The following CSRNP3 variants were observed in gnomAD, a reference collection of about 807,000 sequenced individuals.
The protein encoded by CSRNP3 is cysteine/serine-rich nuclear protein 3.
In CSRNP3, 12 loss-of-function variants were observed where a neutral mutation model predicts 48.0. The ratio of observed to expected loss-of-function variants is 0.25; its 90% CI spans 0.16 to 0.41. CSRNP3 has a LOEUF of 0.41. Among genes scored for constraint, CSRNP3 ranks in the 10% least tolerant of loss-of-function variants. CSRNP3 has a pLI of 1.00. For missense variants in CSRNP3, 580 were observed against 724.4 expected (o/e 0.80, Z 2.29); for synonymous variants, 263 against 269.7 (o/e 0.98, Z 0.24).
chr2:165,513,067 T>G (rs1684529282), intron 2 of CSRNP3, among the ~76,000 whole-genome samples: 1 of 152,064 alleles, frequency 6.6e-6, no homozygotes, highest in African/African-American at 2.4e-5. Flanking sequence ...ATCCCACCAC[T>G]GCACTCCAGC....
rs944804125 is a variant in CSRNP3, at chr2:165,668,405, T to C, written c.409-7907T>C. Among the ~76,000 whole-genome samples, 502 of 137,590 alleles carry C rather than the reference T, an allele frequency of 3.6e-3. 1 individual carries two copies. Among genetic ancestry groups the C allele is most frequent in the African/African-American group, 0.013 (462 of 34,998 alleles). The allele number at this position is 137,590 out of a possible 152,430, so 90.3% of individuals were successfully genotyped here. A position where few individuals can be genotyped will look rare whatever the true frequency, so the allele number is the denominator to read the frequency against. ...ATATCCTTTCTTTCTTTCTTTCTTT[T>C]TTTTTTTTTTTTTTTTGAGACAGAG... On this transcript the variant is annotated intron_variant, in intron 5 of 6. Coordinates refer to ENST00000651982, the MANE Select transcript of CSRNP3 (RefSeq NM_001172173.2).
At chr2:165,606,374 A>G (rs2105306099) in intron 4 of CSRNP3, among the ~76,000 whole-genome samples, 1 of 150,862 alleles carries the variant, frequency 6.6e-6, no homozygotes, top group African/African-American at 2.4e-5. Flanking sequence ...AGCAAAAAAA[A>G]AAAAAAAAAA....
chr2:165,606,502 G>GT (rs1395767350), intron 4 of CSRNP3, among the ~76,000 whole-genome samples: 33 of 151,966 alleles, frequency 2.2e-4, no homozygotes, highest in Admixed American at 2.1e-3. Flanking sequence ...ATCATTTCAC[G>GT]TATGTCATAT....
chr2:165,677,221 A>C (rs1423288450), intron 6 of CSRNP3, among the ~76,000 whole-genome samples: 1 of 152,202 alleles, frequency 6.6e-6, no homozygotes, highest in Non-Finnish European at 1.5e-5. Context: ...TTTGTAAATA[A>C]AGTTTTATTG....
chr2:165,584,719 T>G (rs1442763145), intron 3 of CSRNP3, among the ~76,000 whole-genome samples: 1 of 152,174 alleles, frequency 6.6e-6, no homozygotes, highest in Non-Finnish European at 1.5e-5. Context: ...TGAAACCTAC[T>G]AAAGAAGTCA....
chr2:165,509,733 A>T (rs533892225), intron 2 of CSRNP3, among the ~76,000 whole-genome samples: 46 of 152,330 alleles, frequency 3.0e-4, no homozygotes, highest in African/African-American at 1.1e-3. Context: ...TTGTCAAAGT[A>T]AGAAATTACC....
At chr2:165,567,820 G>A (rs1257010976) in intron 3 of CSRNP3, among the ~76,000 whole-genome samples, 1 of 151,866 alleles carries the variant, frequency 6.6e-6, no homozygotes, top group Non-Finnish European at 1.5e-5. Context: ...TTTAAGGGAG[G>A]TCCTGTTGTT....
Position 165,597,033 on chromosome 2 carries a change from G to A in CSRNP3, c.148+1820G>A, listed in dbSNP as rs117802498. On this transcript the variant is annotated intron_variant, in intron 4 of 6. Transcript: ENST00000651982. ...AAAAGATCACACAGGAGTTGAGCCTGGATATATATACATGTCCTACCACAT... is the reference window on the plus strand; with the variant it reads ...AAAAGATCACACAGGAGTTGAGCCTAGATATATATACATGTCCTACCACAT... Among the ~76,000 whole-genome samples the A allele has an allele frequency of 8.1e-4, 123 of 152,238 alleles. No individual in the cohort carries two copies. In the East Asian group the frequency reaches 0.015, roughly 18 times the overall value.
intron 3 of CSRNP3, among the ~76,000 whole-genome samples, chr2:165,552,114 T>A (rs757601995): frequency 2.6e-5 from 4 of 152,222 alleles, no homozygotes; most frequent in Non-Finnish European, 5.9e-5. Context: ...GAATCTTGGA[T>A]TACATTTCTC....
At chr2:165,499,732 A>G (rs1374614778) in intron 2 of CSRNP3, among the ~76,000 whole-genome samples, 1 of 152,178 alleles carries the variant, frequency 6.6e-6, no homozygotes, top group Non-Finnish European at 1.5e-5. Flanking sequence ...TAAATATAAC[A>G]AAACCAAAAA....
At chr2:165,495,879 G>A (rs1015509986) in intron 2 of CSRNP3, among the ~76,000 whole-genome samples, 25 of 151,422 alleles carry the variant, frequency 1.7e-4, no homozygotes, top group Admixed American at 9.2e-4. Flanking sequence ...TTTGTATTTG[G>A]GGAGTTTAAA....
chr2:165,669,375 A>G (rs1214758796), intron 5 of CSRNP3, among the ~76,000 whole-genome samples: 1 of 152,148 alleles, frequency 6.6e-6, no homozygotes, highest in African/African-American at 2.4e-5. Context: ...TATTAGTTGA[A>G]TTGAATTAGG....
intron 1 of CSRNP3, among the ~76,000 whole-genome samples, chr2:165,486,212 C>G (rs1280021726): frequency 6.6e-6 from 1 of 152,164 alleles, no homozygotes; most frequent in East Asian, 1.9e-4. Context: ...GGGTCACTCC[C>G]ACCCGATTAT....
intron 3 of CSRNP3, among the ~76,000 whole-genome samples, chr2:165,520,831 AT>A (rs71028492): frequency 0.31 from 33,626 of 109,744 alleles, 4,803 homozygotes; most frequent in East Asian, 0.45. Context: ...ATATATACAT[AT>A]TTTTTTTTCC....
chr2:165,585,137 T>C (rs1685606487), intron 3 of CSRNP3, among the ~76,000 whole-genome samples: 1 of 152,162 alleles, frequency 6.6e-6, no homozygotes, highest in South Asian at 2.1e-4. Context: ...CAGTTAAACA[T>C]TTGTTCAGGT....
Position 165,611,363 on chromosome 2 carries a change from ATG to A in CSRNP3, c.148+16166_148+16167del, listed in dbSNP as rs1553479605. Reference sequence around the variant, plus strand: ...GCTAGATTTAACCATTTCACGATATATGTGTGTGTGTGTGTGTATATACATAC... The same window carrying A: ...GCTAGATTTAACCATTTCACGATATATGTGTGTGTGTGTGTATATACATAC... On this transcript the variant is annotated intron_variant, in intron 4 of 6. Transcript: ENST00000651982. 1.3e-4 allele frequency among the ~76,000 whole-genome samples: 14 copies of A among 104,768 alleles called. 1 individual carries two copies. In the East Asian group the frequency reaches 2.6e-3, roughly 20 times the overall value. 68.7% of individuals were successfully genotyped at this position (104,768 alleles called of 152,430 possible).
intron 3 of CSRNP3, among the ~76,000 whole-genome samples, chr2:165,557,340 CAT>C (rs1045370315): frequency 6.6e-6 from 1 of 152,182 alleles, no homozygotes; most frequent in African/African-American, 2.4e-5. Context: ...TGACGGCAAC[CAT>C]ATGTTTTGCA....
chr2:165,499,958 A>C (rs1684334130), intron 2 of CSRNP3, among the ~76,000 whole-genome samples: 1 of 151,822 alleles, frequency 6.6e-6, no homozygotes, highest in African/African-American at 2.4e-5. Context: ...ATTTGAATAA[A>C]ATTTTATGAA....
At chr2:165,617,097 G>C (rs1460587110) in intron 4 of CSRNP3, among the ~76,000 whole-genome samples, 1 of 151,868 alleles carries the variant, frequency 6.6e-6, no homozygotes, top group Non-Finnish European at 1.5e-5. Context: ...GTATTCTCTT[G>C]TATCTCACTG....
Sources: allele counts gnomAD v4.1 joint callset (sites outside exome capture counted in the v4.1 genomes callset), GRCh38; gene constraint gnomAD v4.1.1; transcripts MANE v1.5; gene names NCBI Gene and HGNC (gene_info 2026-07-23, HGNC 2026-07-21).